The following MX1 variants were observed in gnomAD, a reference collection of about 807,000 sequenced individuals.
MX1 encodes MX dynamin like GTPase 1.
MX1 carries 66 observed loss-of-function variants against 66.4 expected under a neutral mutation model. The observed-to-expected ratio is 0.99, with a 90% CI of 0.82 to 1.22. The LOEUF (loss-of-function observed/expected upper bound fraction) is 1.22, where lower values mean the gene tolerates loss of function less well. MX1 is among the 50% of genes most tolerant of loss of function. MX1 has a pLI of 0.00. For synonymous variants in MX1, 311 were observed against 318.1 expected (o/e 0.98, Z 0.24); for missense variants, 787 against 834.3 (o/e 0.94, Z 0.70).
upstream of MX1, among the ~76,000 whole-genome samples, chr21:41,422,371 A>G (rs1875080374): frequency 2.6e-5 from 4 of 152,182 alleles, no homozygotes; most frequent in Admixed American, 2.6e-4. Flanking sequence ...GCATATCATC[A>G]AGAATAACCA....
rs1395936050 is a variant in MX1 at position 41,435,757 on chromosome 21, T to G, written c.106-80T>G. The G allele has an allele frequency of 2.1e-6, 3 of 1,449,174 alleles. No individual in the cohort carries two copies. The East Asian group carries it at 6.9e-5, about 33-fold the overall frequency. 89.8% of individuals were successfully genotyped at this position (1,449,174 alleles called of 1,614,324 possible). On this transcript the variant is annotated intron_variant, in intron 5 of 16. Transcript: ENST00000398598. ...GGGGATTACAATTCGAGATGAGATT[T>G]GGGTAGGGACACAGAACCAAACCAT...
chr21:41,421,778 T>G (rs1325345074), upstream of MX1: 1 of 153,292 alleles, frequency 6.5e-6, no homozygotes, highest in Non-Finnish European at 1.5e-5. Flanking sequence ...GAGTCTCCTA[T>G]GTCTACTTCT....
In MX1 at chr21:41,430,531, A is replaced by G. The variant is rs1484454077; in HGVS notation, c.-97-2A>G. On this transcript the variant is annotated splice_acceptor_variant, in intron 3 of 16. Transcript: ENST00000398598. LOFTEE classifies it low-confidence loss of function (5UTR_SPLICE). ...TACTTGTACACTTTGCTTGATTTCA[A>G]GGAGGTGCAGGAGAACAGCTCTGTG... is the stretch of plus-strand genomic sequence containing the variant. 6.6e-6 allele frequency: 1 copy of G among 152,002 alleles called. No individual in the cohort carries two copies. Among genetic ancestry groups the G allele is most frequent in the African/African-American group, 2.4e-5 (1 of 41,346 alleles). The allele number at this position is 152,002 out of a possible 1,614,324, so 9.4% of individuals were successfully genotyped here. A position where few individuals can be genotyped will look rare whatever the true frequency, so the allele number is the denominator to read the frequency against.
intron 13 of MX1, among the ~76,000 whole-genome samples, chr21:41,447,625 A>C (rs8132889): frequency 0.01 from 1,552 of 152,230 alleles, 30 homozygotes; most frequent in African/African-American, 0.034. Context: ...CTGGGGAGGG[A>C]AAAGTGGGAA....
At chr21:41,437,682 G>T (rs2090402271) in intron 7 of MX1, among the ~76,000 whole-genome samples, 2 of 152,146 alleles carry the variant, frequency 1.3e-5, no homozygotes, top group South Asian at 4.1e-4. Flanking sequence ...CTAGAATAAT[G>T]TGAATTTTAA....
At chr21:41,425,558 A>AT (rs1408699237), upstream of MX1, among the ~76,000 whole-genome samples, 3 of 152,144 alleles carry the variant, frequency 2.0e-5, no homozygotes, top group Admixed American at 1.3e-4. Flanking sequence ...CTGGCCTGGG[A>AT]TGCGATGGCC....
chr21:41,435,661 C>T (rs561916920), intron 5 of MX1, among the ~76,000 whole-genome samples, 176 bp from the exon 6 acceptor site: 25 of 152,284 alleles, frequency 1.6e-4, no homozygotes, highest in Non-Finnish European at 2.8e-4. Context: ...ATCATGAGAA[C>T]AGCATGGGGG....
At chr21:41,430,297 C>T (rs1416855443) in intron 3 of MX1, among the ~76,000 whole-genome samples, 1 of 152,150 alleles carries the variant, frequency 6.6e-6, no homozygotes, top group East Asian at 1.9e-4. Flanking sequence ...AGCATCCTTA[C>T]ATATTATTGA....
At chr21:41,431,091 C>T (rs1601471787) in intron 4 of MX1, among the ~76,000 whole-genome samples, 2 of 152,198 alleles carry the variant, frequency 1.3e-5, no homozygotes, top group African/African-American at 4.8e-5. Context: ...GGTGCGATCT[C>T]GGCTCACTGC....
At chr21:41,436,136 G>A (rs2090354513) in intron 6 of MX1, 107 bp downstream of exon 6, 2 of 1,332,200 alleles carry the variant, frequency 1.5e-6, no homozygotes, top group African/African-American at 1.5e-5. Flanking sequence ...TCTGGAGACT[G>A]GAAGTCCAAA....
rs148192027 is a variant in MX1, at chr21:41,449,295, G to A, written c.1432G>A (p.Asp478Asn). The A allele has an allele frequency of 1.2e-4, 198 of 1,608,050 alleles. 1 individual carries two copies. The African/African-American group carries it at 2.3e-3, about 19-fold the overall frequency. The change falls in exon 14 of 17, where the codon GAT (aspartate) becomes AAT (asparagine). Residue 478 changes from aspartate (D) to asparagine (N), a missense_variant and splice_region_variant. By Grantham distance (23) the Asp-to-Asn change is conservative (BLOSUM62 1). Transcript: ENST00000398598. ...TGTGGATATGCTACACACCGTGACG[G>A]GTGAGTGCTCAGTTTCACCTCTGAG... ...PAVDMLHTVT[D>N]MVRLAFTDVS...
chr21:41,456,803 C>T (rs1028261933), intron 16 of MX1, among the ~76,000 whole-genome samples: 1 of 152,058 alleles, frequency 6.6e-6, no homozygotes, highest in Non-Finnish European at 1.5e-5. Context: ...ACTCTGTCGC[C>T]CAGGCTGGAG....
chr21:41,430,260 G>A (rs1282728933), intron 3 of MX1, among the ~76,000 whole-genome samples: 1 of 152,184 alleles, frequency 6.6e-6, no homozygotes, highest in Non-Finnish European at 1.5e-5. Flanking sequence ...GCTCTCGGGG[G>A]AGATTCCTGC....
chr21:41,449,675 A>T, intron 14 of MX1: 1 of 162,716 alleles, frequency 6.1e-6, no homozygotes. Flanking sequence ...ATTAGAAAGG[A>T]TTTGATAAGG....
intron 10 of MX1, 58 bp from the exon 11 acceptor site, chr21:41,443,730 G>T: frequency 6.5e-7 from 1 of 1,543,742 alleles, no homozygotes; most frequent in Non-Finnish European, 9.0e-7. Context: ...CAGCAAAAAG[G>T]CAGACATGCG....
At chr21:41,422,477 G>T (rs1252192589), upstream of MX1, among the ~76,000 whole-genome samples, 1 of 152,170 alleles carries the variant, frequency 6.6e-6, no homozygotes, top group East Asian at 1.9e-4. Context: ...TTCCCTTTGA[G>T]CCTGTGGACA....
intron 16 of MX1, among the ~76,000 whole-genome samples, chr21:41,454,908 C>CT (rs36105889): frequency 1.4e-3 from 199 of 141,416 alleles, no homozygotes; most frequent in Middle Eastern, 7.7e-3. Context: ...TTCTGCCTTT[C>CT]TTTTTTTTTT....
At chr21:41,436,099 T>C (rs1310168812) in intron 6 of MX1, 70 bp downstream of exon 6, 1 of 1,542,372 alleles carries the variant, frequency 6.5e-7, no homozygotes, top group African/African-American at 1.4e-5. Context: ...GGGTGGCTTA[T>C]ACAACAAAAG....
intron 14 of MX1, 75 bp from the exon 15 acceptor site, chr21:41,451,092 C>G (rs989468805): frequency 6.1e-6 from 6 of 990,258 alleles, no homozygotes; most frequent in Admixed American, 5.5e-5. Context: ...CCATTTGATC[C>G]TCATATTTTT....
Sources: gnomAD v4.1 joint callset for allele counts (sites outside exome capture counted in the v4.1 genomes callset) on GRCh38, gnomAD v4.1.1 for gene constraint, MANE v1.5 for transcripts, NCBI Gene and HGNC (gene_info 2026-07-23, HGNC 2026-07-21) for gene names.